The following BMP6 variants were observed in gnomAD, a reference collection of about 807,000 sequenced individuals.
BMP6 encodes the protein bone morphogenetic protein 6.
BMP6 carries 17 observed loss-of-function variants against 54.1 expected under a neutral mutation model. The ratio of observed to expected loss-of-function variants is 0.31; its 90% CI spans 0.22 to 0.47. The LOEUF (loss-of-function observed/expected upper bound fraction) is 0.47, where lower values mean the gene tolerates loss of function less well. BMP6 is among the 20% of genes least tolerant of loss of function. BMP6 has a pLI of 1.00. For synonymous variants in BMP6, 328 were observed against 291.2 expected, an observed-to-expected ratio of 1.13 and a Z score of -1.28; for missense variants, 720 against 690.4, an observed-to-expected ratio of 1.04 and a Z score of -0.48.
At chr6:7,856,897 CAA>C (rs1396990000) in intron 2 of BMP6, among the ~76,000 whole-genome samples, 7 of 152,138 alleles carry the variant, frequency 4.6e-5, no homozygotes, top group African/African-American at 1.7e-4. Context: ...CGCCCGGCCT[CAA>C]GAGCATTTTT....
At chr6:7,835,271 C>T (rs1410853351) in intron 1 of BMP6, among the ~76,000 whole-genome samples, 7 of 152,094 alleles carry the variant, frequency 4.6e-5, no homozygotes, top group African/African-American at 1.2e-4. Flanking sequence ...TACAGACACC[C>T]GCCACCAGGC....
At chr6:7,750,221 G>A (rs569571465) in intron 1 of BMP6, among the ~76,000 whole-genome samples, 2 of 152,336 alleles carry the variant, frequency 1.3e-5, no homozygotes, top group African/African-American at 2.4e-5. Context: ...CGTGCCTACT[G>A]TGTGCTGGCT....
In BMP6 at chr6:7,753,276, C is replaced by T. The variant is rs781588362; in HGVS notation, c.664+25657C>T. On this transcript the variant is annotated intron_variant, in intron 1 of 6. Transcript: ENST00000283147. ...CTTTGCTCAGCACTTTCTCCAGAGA[C>T]GAGAGAGTGCACAAGAGGAAATGAA... 4.6e-5 allele frequency among the ~76,000 whole-genome samples: 7 copies of T among 152,134 alleles called. No individual in the cohort carries two copies. In the South Asian group the frequency reaches 6.2e-4, roughly 13 times the overall value.
chr6:7,809,454 A>G (rs1375389329), intron 1 of BMP6, among the ~76,000 whole-genome samples: 1 of 152,228 alleles, frequency 6.6e-6, no homozygotes, highest in Non-Finnish European at 1.5e-5. Context: ...ACAGCCCAGA[A>G]GAATTGTAAA....
In BMP6 at chr6:7,726,376, C is replaced by T. The variant is rs138197436; in HGVS notation, c.-580C>T. The stretch of plus-strand genomic sequence containing the variant: ...GTTCGTGAGCGAGAAGGAAGTTAAA[C>T]CTCGCGGAATAGACTGGCATTTCGG... On this transcript the variant is annotated 5_prime_UTR_variant, in exon 1 of 7. Transcript: ENST00000283147. 2.9e-3 allele frequency among the ~76,000 whole-genome samples: 440 copies of T among 152,298 alleles called. No individual in the cohort carries two copies. Among genetic ancestry groups the T allele is most frequent in the Middle Eastern group, 0.017 (5 of 294 alleles).
intron 1 of BMP6, among the ~76,000 whole-genome samples, chr6:7,789,485 G>A (rs1758063902): frequency 6.6e-6 from 1 of 152,156 alleles, no homozygotes; most frequent in Non-Finnish European, 1.5e-5. Flanking sequence ...GTATAACTGG[G>A]GAAGTTTAAA....
chr6:7,833,053 A>G (rs1350430562), intron 1 of BMP6, among the ~76,000 whole-genome samples: 1 of 151,898 alleles, frequency 6.6e-6, no homozygotes, highest in East Asian at 1.9e-4. Context: ...GAGTGGATGG[A>G]CATGGGGCAA....
rs1561801720 is a variant in BMP6, at chr6:7,881,279, T to TATGAAC, written c.*937_*942dup. 1 of 152,668 alleles carries TATGAAC rather than the reference T, an allele frequency of 6.6e-6. No homozygotes were observed. The highest frequency in any genetic ancestry group is 1.5e-5 in the Non-Finnish European group (1 of 68,036). The allele number at this position is 152,668 out of a possible 1,614,324, so 9.5% of individuals were successfully genotyped here. A position where few individuals can be genotyped will look rare whatever the true frequency, so the allele number is the denominator to read the frequency against. ...GTGTTAGGGGGATGAGCATGCTGTT[T>TATGAAC]ATGAACGGAAATCATGATTTCCCTT... On this transcript the variant is annotated 3_prime_UTR_variant, in exon 7 of 7. Coordinates refer to ENST00000283147, the MANE Select transcript of BMP6 (RefSeq NM_001718.6).
At chr6:7,791,299 C>G (rs1202697866) in intron 1 of BMP6, among the ~76,000 whole-genome samples, 1 of 152,194 alleles carries the variant, frequency 6.6e-6, no homozygotes, top group Non-Finnish European at 1.5e-5. Context: ...CAGTAGACCT[C>G]TGAGTCCCTC....
intron 1 of BMP6, among the ~76,000 whole-genome samples, chr6:7,805,111 C>T (rs1445606481): frequency 6.6e-6 from 1 of 151,986 alleles, no homozygotes; most frequent in Admixed American, 6.5e-5. Context: ...ATTTCTTTGC[C>T]CATTTCAATG....
chr6:7,879,162 G>A lies in BMP6; in HGVS notation c.1281+12G>A. On this transcript the variant is annotated intron_variant, in intron 5 of 6. Coordinates refer to ENST00000283147, the MANE Select transcript of BMP6 (RefSeq NM_001718.6). ...ACCTGGGATGGCAGGTGAGTTCTCT[G>A]GACACGGGGGATAAAGGTCCTTTCT... 1 of 1,608,442 alleles carries A rather than the reference G, an allele frequency of 6.2e-7. No individual in the cohort carries two copies. Among genetic ancestry groups the A allele is most frequent in the Non-Finnish European group, 8.5e-7 (1 of 1,174,776 alleles).
chr6:7,812,482 A>G (rs1462937192), intron 1 of BMP6, among the ~76,000 whole-genome samples: 1 of 152,226 alleles, frequency 6.6e-6, no homozygotes, highest in African/African-American at 2.4e-5. Flanking sequence ...TATAATGTAC[A>G]TGTACACATG....
At chr6:7,862,748 A>G (rs952537656) in intron 4 of BMP6, among the ~76,000 whole-genome samples, 6 of 152,192 alleles carry the variant, frequency 3.9e-5, no homozygotes, top group Non-Finnish European at 7.3e-5. Context: ...GATCCAGACA[A>G]GCATCTTTCT....
At chr6:7,776,235 C>T (rs536056168) in intron 1 of BMP6, among the ~76,000 whole-genome samples, 3 of 152,190 alleles carry the variant, frequency 2.0e-5, no homozygotes, top group Non-Finnish European at 2.9e-5. Context: ...TACATGCAGA[C>T]GTTGAGCTCA....
chr6:7,757,299 C>T (rs1757530849), intron 1 of BMP6, among the ~76,000 whole-genome samples: 1 of 152,338 alleles, frequency 6.6e-6, no homozygotes, highest in South Asian at 2.1e-4. Flanking sequence ...TGTCAGCAGG[C>T]AGTGCTCCCC....
intron 1 of BMP6, among the ~76,000 whole-genome samples, chr6:7,757,676 C>A (rs1186293521): frequency 2.0e-5 from 3 of 152,218 alleles, no homozygotes. Flanking sequence ...ATTCTTTATG[C>A]TGAGATAAGA....
At chr6:7,870,623 T>TA (rs1436398331) in intron 4 of BMP6, among the ~76,000 whole-genome samples, 5 of 151,624 alleles carry the variant, frequency 3.3e-5, no homozygotes, top group South Asian at 2.1e-4. Flanking sequence ...ATCTTTTTTT[T>TA]AAAAAACAAC....
chr6:7,787,947 A>ATT (rs558738417), intron 1 of BMP6, among the ~76,000 whole-genome samples: 2 of 148,078 alleles, frequency 1.4e-5, no homozygotes, highest in Non-Finnish European at 1.5e-5. Context: ...TGGTAGATTG[A>ATT]TTTTTTTTTT....
intron 1 of BMP6, among the ~76,000 whole-genome samples, chr6:7,813,143 AT>A (rs1758464562): frequency 9.5e-6 from 1 of 105,710 alleles, no homozygotes; most frequent in African/African-American, 3.8e-5. Flanking sequence ...ATATATATAT[AT>A]ATATAAAATT....
Sources: gnomAD v4.1 joint callset for allele counts (sites outside exome capture counted in the v4.1 genomes callset) on GRCh38, gnomAD v4.1.1 for gene constraint, MANE v1.5 for transcripts, NCBI Gene and HGNC (gene_info 2026-07-23, HGNC 2026-07-21) for gene names.